The following LINGO2 variants were observed in gnomAD, a reference collection of about 807,000 sequenced individuals.
LINGO2 encodes the protein leucine-rich repeat and immunoglobulin-like domain-containing nogo receptor-interacting protein 2.
A neutral mutation model predicts 30.6 loss-of-function variants in LINGO2; 14 were observed. The observed-to-expected ratio is 0.46, with a 90% CI of 0.30 to 0.72. LINGO2 has a LOEUF of 0.72. Ranked by LOEUF, LINGO2 falls within the 30% of genes least tolerant of loss-of-function variation. The pLI is 0.07. For synonymous variants in LINGO2, 317 were observed against 288.5 expected, an observed-to-expected ratio of 1.10 and a Z score of -1.00; for missense variants, 729 against 751.7, an observed-to-expected ratio of 0.97 and a Z score of 0.35.
chr9:29,013,120 T>C, the LINGO2 span, among the ~76,000 whole-genome samples: 2 of 152,204 alleles, frequency 1.3e-5, no homozygotes, highest in African/African-American at 4.8e-5. Context: ...TCGTATTGAC[T>C]GTAATCGTTC....
rs560356311 is a variant in LINGO2, at chr9:28,602,037, A to G, written c.-365+68163T>C. 1.6e-4 allele frequency among the ~76,000 whole-genome samples: 25 copies of G among 152,202 alleles called. No individual in the cohort carries two copies. The South Asian group carries it at 5.0e-3, about 30-fold the overall frequency. ...AAAGTACGGATTTGACTAATTTATC[A>G]AAGAAGTGCTCCCTGGAGAAATGAG... On this transcript the variant is annotated intron_variant, in intron 1 of 5. Coordinates refer to ENST00000379992, the Ensembl canonical transcript of LINGO2.
At chr9:28,783,264 C>T in the LINGO2 span, among the ~76,000 whole-genome samples, 66 of 152,176 alleles carry the variant, frequency 4.3e-4, no homozygotes, top group Admixed American at 1.2e-3. Context: ...ATAACGAAAT[C>T]CCATATATGA....
the LINGO2 span, among the ~76,000 whole-genome samples, chr9:29,055,936 G>GTATATATATATATATA: frequency 8.2e-6 from 1 of 121,862 alleles, no homozygotes; most frequent in Non-Finnish European, 1.8e-5. Context: ...GTGTATGTGT[G>GTATATATATATATATA]TGTGTATATA....
chr9:28,444,465 G>C (rs1824334113), intron 2 of LINGO2, among the ~76,000 whole-genome samples: 1 of 152,226 alleles, frequency 6.6e-6, no homozygotes, highest in African/African-American at 2.4e-5. Context: ...ACACAAATGG[G>C]CTGAAACATG....
the LINGO2 span, among the ~76,000 whole-genome samples, chr9:28,932,107 A>AAAACTAAAATAAAATAAAAT: frequency 9.3e-6 from 1 of 107,652 alleles, no homozygotes. Context: ...ACTCTGACAA[A>AAAACTAAAATAAAATAAAAT]AAAATAAAAT....
rs114509272 is a variant in LINGO2, at chr9:28,228,425, T to C, written c.-87+66783A>G. On this transcript the variant is annotated intron_variant, in intron 4 of 5. Coordinates refer to ENST00000379992, the Ensembl canonical transcript of LINGO2. ...ATTTGGCATACAGCAAGACCATGAA[T>C]TGACTCATACATATCTTTCTTCCTT... is the stretch of plus-strand genomic sequence containing the variant. 1.1e-3 allele frequency among the ~76,000 whole-genome samples: 167 copies of C among 152,156 alleles called. 1 individual carries two copies. The highest frequency in any genetic ancestry group is 3.9e-3 in the African/African-American group (160 of 41,556).
chr9:28,385,392 G>T (rs960543397), intron 2 of LINGO2, among the ~76,000 whole-genome samples: 1 of 152,138 alleles, frequency 6.6e-6, no homozygotes, highest in Non-Finnish European at 1.5e-5. Context: ...CATACAGGTT[G>T]ATTTTATATA....
chr9:29,199,049 T>A, the LINGO2 span, among the ~76,000 whole-genome samples: 1 of 152,054 alleles, frequency 6.6e-6, no homozygotes, highest in Non-Finnish European at 1.5e-5. Context: ...AATTTCTTGT[T>A]CAAGTATAAT....
At chr9:28,507,942 A>G (rs1200346249) in intron 1 of LINGO2, among the ~76,000 whole-genome samples, 1 of 152,098 alleles carries the variant, frequency 6.6e-6, no homozygotes, top group Non-Finnish European at 1.5e-5. Context: ...TGAAGGGTTC[A>G]TTGTAAAGCC....
chr9:28,983,809 TA>T, the LINGO2 span, among the ~76,000 whole-genome samples: 2 of 151,876 alleles, frequency 1.3e-5, no homozygotes, highest in South Asian at 2.1e-4. Context: ...TAATAAAAAA[TA>T]AAATAATGTT....
chr9:28,154,262 A>T (rs1172523642), intron 4 of LINGO2, among the ~76,000 whole-genome samples: 1 of 152,058 alleles, frequency 6.6e-6, no homozygotes, highest in Non-Finnish European at 1.5e-5. Context: ...CGCTTGTCAT[A>T]TTTTTTTACC....
chr9:28,721,836 A>G, the LINGO2 span, among the ~76,000 whole-genome samples: 1 of 152,104 alleles, frequency 6.6e-6, no homozygotes, highest in Non-Finnish European at 1.5e-5. Flanking sequence ...AAAAAAAATT[A>G]AAAACATGGA....
chr9:29,067,795 T>G, the LINGO2 span, among the ~76,000 whole-genome samples: 1 of 150,094 alleles, frequency 6.7e-6, no homozygotes, highest in African/African-American at 2.4e-5. Context: ...TGAGCATATT[T>G]TTAAGAAACA....
chr9:28,595,363 C>T (rs747092641), intron 1 of LINGO2, among the ~76,000 whole-genome samples: 1 of 151,932 alleles, frequency 6.6e-6, no homozygotes, highest in Non-Finnish European at 1.5e-5. Context: ...TCACTCATTC[C>T]ATCTCTGAAT....
At chr9:29,122,294 C>A in the LINGO2 span, among the ~76,000 whole-genome samples, 1 of 151,698 alleles carries the variant, frequency 6.6e-6, no homozygotes, top group Non-Finnish European at 1.5e-5. Flanking sequence ...AAGGTAATAC[C>A]ACTAATAAAG....
chr9:28,386,348 T>C (rs1177116195), intron 2 of LINGO2, among the ~76,000 whole-genome samples: 1 of 152,174 alleles, frequency 6.6e-6, no homozygotes, highest in Non-Finnish European at 1.5e-5. Context: ...CCCCTGTCTT[T>C]GTGTGGGGGC....
intron 2 of LINGO2, among the ~76,000 whole-genome samples, chr9:28,467,756 T>C (rs895204560): frequency 2.6e-5 from 4 of 152,116 alleles, no homozygotes; most frequent in Non-Finnish European, 5.9e-5. Flanking sequence ...GGGTCATAGA[T>C]TGCAAATAAA....
At chr9:28,881,368 C>T in the LINGO2 span, among the ~76,000 whole-genome samples, 2 of 152,116 alleles carry the variant, frequency 1.3e-5, no homozygotes, top group Non-Finnish European at 2.9e-5. Context: ...AAGTGATCCA[C>T]CCGCCTCAGC....
At chr9:28,754,131 C>T in the LINGO2 span, among the ~76,000 whole-genome samples, 8 of 151,768 alleles carry the variant, frequency 5.3e-5, no homozygotes, top group East Asian at 7.7e-4. Flanking sequence ...ACAGACTATC[C>T]GTAAGAAAGT....
Sources: gnomAD v4.1 joint callset for allele counts (sites outside exome capture counted in the v4.1 genomes callset) on GRCh38, gnomAD v4.1.1 for gene constraint, MANE v1.5 for transcripts, NCBI Gene and HGNC (gene_info 2026-07-23, HGNC 2026-07-21) for gene names.